Variants in MRTFB observed in about 807,000 individuals in gnomAD.
The protein encoded by MRTFB is myocardin related transcription factor B.
In MRTFB, 29 loss-of-function variants were observed where a neutral mutation model predicts 104.2. That is an observed-to-expected ratio of 0.28 (90% CI 0.21 to 0.38). The LOEUF is 0.38. Ranked by LOEUF, MRTFB falls within the 10% of genes least tolerant of loss-of-function variation. MRTFB has a pLI of 1.00. For synonymous variants in MRTFB, 535 were observed against 519.5 expected, an observed-to-expected ratio of 1.03 and a Z score of -0.41; for missense variants, 1,270 against 1,341.6, an observed-to-expected ratio of 0.95 and a Z score of 0.83.
chr16:14,150,701 A>G (rs937415781), intron 3 of MRTFB: 3 of 152,186 alleles, frequency 2.0e-5, no homozygotes, highest in Admixed American at 1.3e-4. Context: ...TATGAGGAAC[A>G]CATATCTACA....
intron 2 of MRTFB, among the ~76,000 whole-genome samples, chr16:14,130,268 G>A (rs117417765): frequency 1.3e-5 from 2 of 152,126 alleles, no homozygotes; most frequent in Admixed American, 6.5e-5. Context: ...TTACTAAGGG[G>A]TCAGTAGTTT....
chr16:14,014,204 G>A, the MRTFB span, among the ~76,000 whole-genome samples: 1 of 152,104 alleles, frequency 6.6e-6, no homozygotes, highest in African/African-American at 2.4e-5. Context: ...AGTGAAGACT[G>A]GTGAGAAAGT....
At chr16:14,195,486 G>C (rs1003033895) in intron 3 of MRTFB, 4 of 981,536 alleles carry the variant, frequency 4.1e-6, no homozygotes, top group Non-Finnish European at 4.8e-6. Context: ...GTGTGTGTTT[G>C]TATCAGCCCC....
intron 15 of MRTFB, among the ~76,000 whole-genome samples, 171 bp from the exon 16 acceptor site, chr16:14,257,930 C>G (rs2043573566): frequency 6.6e-6 from 1 of 152,198 alleles, no homozygotes; most frequent in South Asian, 2.1e-4. Flanking sequence ...GTCAACTAAC[C>G]AGCTGTACAG....
the MRTFB span, among the ~76,000 whole-genome samples, chr16:13,997,931 G>A: frequency 6.6e-6 from 1 of 152,104 alleles, no homozygotes; most frequent in African/African-American, 2.4e-5. Flanking sequence ...ACCGTCTAGA[G>A]AAAGGAGGGA....
intron 2 of MRTFB, among the ~76,000 whole-genome samples, chr16:14,119,284 TTA>T (rs1488577769): frequency 6.6e-6 from 1 of 152,210 alleles, no homozygotes; most frequent in African/African-American, 2.4e-5. Flanking sequence ...ATTGTTGGTC[TTA>T]TTTGAATATA....
chr16:14,174,822 T>C (rs1255396474), intron 3 of MRTFB, among the ~76,000 whole-genome samples: 1 of 152,226 alleles, frequency 6.6e-6, no homozygotes, highest in Non-Finnish European at 1.5e-5. Flanking sequence ...TGGTATAGGC[T>C]TGTCAGTCAC....
At chr16:14,139,203 A>T (rs926353097) in intron 2 of MRTFB, among the ~76,000 whole-genome samples, 3 of 152,208 alleles carry the variant, frequency 2.0e-5, no homozygotes, top group African/African-American at 7.2e-5. Flanking sequence ...TATTTTTAAA[A>T]CTCTGAAAAC....
At chr16:14,006,386 C>T in the MRTFB span, among the ~76,000 whole-genome samples, 10 of 151,634 alleles carry the variant, frequency 6.6e-5, no homozygotes, top group South Asian at 4.2e-4. Context: ...TGTGGTAGCA[C>T]GCGCCTGTAA....
rs74510045 is a variant in MRTFB, at chr16:14,150,240, T to C, written c.154+9480T>C. Among the ~76,000 whole-genome samples the C allele has an allele frequency of 2.8e-3, 433 of 152,324 alleles. 2 individuals are homozygous for C. Among genetic ancestry groups the C allele is most frequent in the African/African-American group, 9.6e-3 (398 of 41,580 alleles). Reference sequence around the variant, plus strand: ...ACTAGTATTTGTTTCATAAGATTGCTCTGAGGGTTAGATCAAGTAATCTAA... The same window carrying C: ...ACTAGTATTTGTTTCATAAGATTGCCCTGAGGGTTAGATCAAGTAATCTAA... On this transcript the variant is annotated intron_variant, in intron 3 of 16. Coordinates refer to ENST00000571589, the MANE Select transcript of MRTFB (RefSeq NM_001308142.2).
At chr16:14,086,208 C>G (rs1422407838) in intron 2 of MRTFB, among the ~76,000 whole-genome samples, 1 of 152,190 alleles carries the variant, frequency 6.6e-6, no homozygotes, top group Non-Finnish European at 1.5e-5. Flanking sequence ...AGTATCCTGT[C>G]TTTTAAGCCT....
chr16:14,256,022 A>AGT (rs998928506), intron 15 of MRTFB, among the ~76,000 whole-genome samples: 1 of 151,482 alleles, frequency 6.6e-6, no homozygotes, highest in African/African-American at 2.4e-5. Flanking sequence ...CTAAAGTAGG[A>AGT]GTATCACTTG....
upstream of MRTFB, among the ~76,000 whole-genome samples, chr16:14,068,287 C>G (rs377594507): frequency 2.8e-4 from 43 of 152,236 alleles, no homozygotes; most frequent in African/African-American, 9.9e-4. Context: ...GGCACTTTTC[C>G]GTATGCTTCA....
intron 8 of MRTFB, among the ~76,000 whole-genome samples, chr16:14,229,109 G>C (rs1453830320): frequency 6.6e-6 from 1 of 152,074 alleles, no homozygotes; most frequent in Admixed American, 6.5e-5. Flanking sequence ...CACTTTTAAA[G>C]CAGGGATACG....
At chr16:14,134,587 T>C (rs1368552246) in intron 2 of MRTFB, among the ~76,000 whole-genome samples, 1 of 152,256 alleles carries the variant, frequency 6.6e-6, no homozygotes, top group Non-Finnish European at 1.5e-5. Flanking sequence ...GGGATCATGA[T>C]TGGTTCATCA....
At chr16:14,243,407 A>T (rs2042866336) in intron 10 of MRTFB, among the ~76,000 whole-genome samples, 1 of 152,214 alleles carries the variant, frequency 6.6e-6, no homozygotes, top group South Asian at 2.1e-4. Flanking sequence ...TGTCACCTCA[A>T]ATCCCTGTTT....
At chr16:14,005,395 A>G in the MRTFB span, among the ~76,000 whole-genome samples, 3 of 152,202 alleles carry the variant, frequency 2.0e-5, no homozygotes, top group Non-Finnish European at 4.4e-5. Flanking sequence ...TGCATCACCC[A>G]GAAAGATTCA....
chr16:14,049,985 G>T, the MRTFB span, among the ~76,000 whole-genome samples: 1 of 152,144 alleles, frequency 6.6e-6, no homozygotes, highest in Admixed American at 6.5e-5. Context: ...CATCCGCCTC[G>T]GCCTTCCAAA....
chr16:14,007,796 T>C, the MRTFB span, among the ~76,000 whole-genome samples: 3 of 152,240 alleles, frequency 2.0e-5, no homozygotes, highest in African/African-American at 4.8e-5. Context: ...CATCTCATCA[T>C]GGTTTTGATT....
Sources: gnomAD v4.1 joint callset for allele counts (sites outside exome capture counted in the v4.1 genomes callset) on GRCh38, gnomAD v4.1.1 for gene constraint, MANE v1.5 for transcripts, NCBI Gene and HGNC (gene_info 2026-07-23, HGNC 2026-07-21) for gene names.